Variants in HS1BP3 observed in about 807,000 individuals in gnomAD.
HS1BP3 encodes HCLS1 binding protein 3, also known as HCLS1-binding protein 3.
A neutral mutation model predicts 33.5 loss-of-function variants in HS1BP3; 32 were observed. That is an observed-to-expected ratio of 0.95 (90% CI 0.72 to 1.28). HS1BP3 has a LOEUF of 1.28. Ranked by LOEUF, HS1BP3 falls within the 50% of genes most tolerant of loss-of-function variation. The pLI, the probability that HS1BP3 is intolerant of heterozygous loss-of-function variation, is 0.00. For synonymous variants in HS1BP3, 187 were observed against 209.2 expected (o/e 0.89, Z 0.92); for missense variants, 486 against 502.3 (o/e 0.97, Z 0.31).
intron 4 of HS1BP3, among the ~76,000 whole-genome samples, chr2:20,628,020 A>G (rs1572347061): frequency 6.6e-6 from 1 of 152,188 alleles, no homozygotes; most frequent in Non-Finnish European, 1.5e-5. Flanking sequence ...AGGGGCAGGG[A>G]GGGAAGAGGG....
rs1194590835 is a variant in HS1BP3, at chr2:20,650,087, A to G, written c.32+945T>C. Among the ~76,000 whole-genome samples, 7 of 152,210 alleles carry G rather than the reference A, an allele frequency of 4.6e-5. No individual in the cohort carries two copies. The East Asian group carries it at 1.3e-3, about 29-fold the overall frequency. ...GAAGATACAACTGTAACCACACTTG[A>G]TCATGAAAGACCAAGCAGCCTCCGA... On this transcript the variant is annotated intron_variant, in intron 1 of 6. Coordinates refer to ENST00000304031, the MANE Select transcript of HS1BP3 (RefSeq NM_022460.4).
chr2:20,574,325 T>A (rs935881748), intron 5 of HS1BP3, among the ~76,000 whole-genome samples: 1 of 152,236 alleles, frequency 6.6e-6, no homozygotes, highest in Non-Finnish European at 1.5e-5. Flanking sequence ...TAGATGAGCA[T>A]GCAAAATCAC....
chr2:20,602,131 T>A (rs1694084247), intron 2 of HS1BP3, among the ~76,000 whole-genome samples: 1 of 150,882 alleles, frequency 6.6e-6, no homozygotes, highest in Non-Finnish European at 1.5e-5. Context: ...TCCATGTGTT[T>A]GAATTTATCA....
At chr2:20,606,417 A>G in intron 2 of HS1BP3, 1 of 476,700 alleles carries the variant, frequency 2.1e-6, no homozygotes, top group Non-Finnish European at 4.2e-6. Context: ...AGGGAGACTC[A>G]AATCTTCAGT....
Position 20,642,245 on chromosome 2 carries a change from G to T in HS1BP3, c.199-1065C>A, listed in dbSNP as rs144737636. The stretch of plus-strand genomic sequence containing the variant: ...CGTGCAGGGGCTGCGGGCATCTGAC[G>T]CCCTCGGGCTCGGGGAGATCCCTTG... On this transcript the variant is annotated intron_variant, in intron 2 of 6. Transcript: ENST00000304031. Among the ~76,000 whole-genome samples, 1,084 of 152,300 alleles carry T rather than the reference G, an allele frequency of 7.1e-3. 18 individuals are homozygous for T. The highest frequency in any genetic ancestry group is 0.024 in the African/African-American group (1,016 of 41,566).
rs140348008 is a variant in HS1BP3 at position 20,634,116 on chromosome 2, G to A, written c.623+4320C>T. Among the ~76,000 whole-genome samples the A allele has an allele frequency of 1.6e-4, 24 of 152,362 alleles. No individual in the cohort carries two copies. The East Asian group carries it at 4.2e-3, about 27-fold the overall frequency. On this transcript the variant is annotated intron_variant, in intron 4 of 6. Coordinates refer to ENST00000304031, the MANE Select transcript of HS1BP3 (RefSeq NM_022460.4). ...CAGCAGACGAGGGAAAGCCCAGCCC[G>A]AGCAGGAGTTGCTGGGGAGCAGACA...
At chr2:20,563,858 C>T (rs1014697869) in intron 5 of HS1BP3, among the ~76,000 whole-genome samples, 5 of 152,180 alleles carry the variant, frequency 3.3e-5, no homozygotes, top group African/African-American at 1.2e-4. Context: ...TGCAGAGTCT[C>T]AGGCCCCACC....
intron 3 of HS1BP3, chr2:20,592,921 G>A (rs1310466100): frequency 1.3e-5 from 2 of 152,256 alleles, no homozygotes; most frequent in Non-Finnish European, 2.9e-5. Flanking sequence ...GGGTTAGGAT[G>A]CGAACATGGC....
chr2:20,645,205 T>A (rs1695480018), intron 2 of HS1BP3, 135 bp downstream of exon 2: 1 of 813,666 alleles, frequency 1.2e-6, no homozygotes, highest in African/African-American at 1.7e-5. Flanking sequence ...CATGGTCTGG[T>A]ACTCCAGGCC....
At position 20,606,565 on chromosome 2, in the gene HS1BP3, G is replaced by GGCC; in HGVS notation, c.179-8303_179-8301dup. 6.2e-6 allele frequency: 3 copies of GGCC among 487,508 alleles called. No homozygotes were observed. In the Admixed American group the frequency reaches 6.9e-5, roughly 11 times the overall value. 30.2% of individuals were successfully genotyped at this position (487,508 alleles called of 1,614,324 possible). On this transcript the variant is annotated intron_variant, in intron 2 of 3. Transcript: ENST00000415264. The stretch of plus-strand genomic sequence containing the variant: ...TGTCTTTGGAGCACTTCTTCTTTTT[G>GGCC]GCCTTGTCCCCGGATTTGCTCACTG...
At position 20,625,799 on chromosome 2, in the gene HS1BP3, C is replaced by T. The variant is rs1234146385; in HGVS notation, c.624-907G>A. ...AGGAGTACTTTAGTTTTGATCCAGG[C>T]GGTAGTTACGGGCTGGATAAGTAAA... On this transcript the variant is annotated intron_variant, in intron 4 of 6. Coordinates refer to ENST00000304031, the MANE Select transcript of HS1BP3 (RefSeq NM_022460.4). Among the ~76,000 whole-genome samples, 5 of 152,132 alleles carry T rather than the reference C, an allele frequency of 3.3e-5. No homozygotes were observed. In the South Asian group the frequency reaches 6.2e-4, roughly 19 times the overall value.
intron 5 of HS1BP3, among the ~76,000 whole-genome samples, chr2:20,578,497 G>A (rs769996824): frequency 5.3e-5 from 8 of 152,216 alleles, no homozygotes; most frequent in Non-Finnish European, 7.3e-5. Context: ...GTTCTTGCCC[G>A]GAGGCTCTCG....
intron 5 of HS1BP3, among the ~76,000 whole-genome samples, chr2:20,569,149 GGA>G (rs375950061): frequency 2.0e-5 from 3 of 152,062 alleles, no homozygotes; most frequent in South Asian, 2.1e-4. Flanking sequence ...AATGGAGGCA[GGA>G]GAGAGAGAGA....
chr2:20,643,211 G>A (rs1464216873), intron 2 of HS1BP3, among the ~76,000 whole-genome samples: 1 of 152,114 alleles, frequency 6.6e-6, no homozygotes, highest in Admixed American at 6.5e-5. Context: ...ACGAGGAGTG[G>A]GCGTCACTGC....
In HS1BP3 at chr2:20,623,986, AG is replaced by A; in HGVS notation, c.829del (p.Leu277TrpfsTer40). On this transcript the variant is annotated frameshift_variant, in exon 6 of 7. Coordinates refer to ENST00000304031, the MANE Select transcript of HS1BP3 (RefSeq NM_022460.4). LOFTEE classifies it high-confidence loss of function. ...DDPDLGGAIPLGDSLLLPAAC... is the reference protein window; with the variant it reads ...DDPDLGGAIPXGDSLLLPAAC... ...GGCTGGCAGCAGGAGGGAGTCACCC[AG>A]GGGGATGGCCCCGCCGAGGTCAGGA... is the stretch of plus-strand genomic sequence containing the variant. 6 of 1,612,214 alleles carry A rather than the reference AG, an allele frequency of 3.7e-6. No individual in the cohort carries two copies. The highest frequency in any genetic ancestry group is 5.1e-6 in the Non-Finnish European group (6 of 1,179,590).
intron 4 of HS1BP3, among the ~76,000 whole-genome samples, chr2:20,629,428 T>G (rs1232773601): frequency 6.6e-6 from 1 of 152,136 alleles, no homozygotes; most frequent in Non-Finnish European, 1.5e-5. Context: ...AGCCCCTCAC[T>G]GACATGGAGG....
chr2:20,579,224 C>A (rs1218317777), intron 5 of HS1BP3, among the ~76,000 whole-genome samples: 1 of 152,252 alleles, frequency 6.6e-6, no homozygotes, highest in Admixed American at 6.5e-5. Context: ...GCACAGGAGC[C>A]TTTTCCTCCA....
intron 5 of HS1BP3, among the ~76,000 whole-genome samples, chr2:20,580,195 G>C (rs1693498695): frequency 6.6e-6 from 1 of 152,248 alleles, no homozygotes; most frequent in African/African-American, 2.4e-5. Flanking sequence ...CTGCCCCTGG[G>C]TTTCAAACAA....
At chr2:20,561,257 C>T (rs1373880097) in intron 5 of HS1BP3, among the ~76,000 whole-genome samples, 1 of 152,188 alleles carries the variant, frequency 6.6e-6, no homozygotes, top group Non-Finnish European at 1.5e-5. Flanking sequence ...CACATGGGAT[C>T]CCTTTCTCCC....
Sources: allele counts gnomAD v4.1 joint callset (sites outside exome capture counted in the v4.1 genomes callset), GRCh38; gene constraint gnomAD v4.1.1; transcripts MANE v1.5; gene names NCBI Gene and HGNC (gene_info 2026-07-23, HGNC 2026-07-21).